MMP16: variants seen among roughly 807,000 people sequenced by gnomAD.
MMP16 encodes matrix metalloproteinase-16.
Under a neutral mutation model 67.8 loss-of-function variants are expected in MMP16, and 12 were observed. The ratio of observed to expected loss-of-function variants is 0.18; its 90% CI spans 0.11 to 0.29. The LOEUF is 0.29. MMP16 is among the 10% of genes least tolerant of loss of function. The pLI is 1.00. For synonymous variants in MMP16, 249 were observed against 255.9 expected (o/e 0.97, Z 0.26); for missense variants, 475 against 765.7 (o/e 0.62, Z 4.48).
intron 8 of MMP16, among the ~76,000 whole-genome samples, chr8:88,055,884 T>C (rs1448406893): frequency 1.3e-5 from 2 of 152,078 alleles, no homozygotes; most frequent in African/African-American, 2.4e-5. Context: ...GTTACAATTA[T>C]GGGGAAATGA....
chr8:88,170,346 C>T (rs1808779313), intron 3 of MMP16, among the ~76,000 whole-genome samples: 1 of 152,202 alleles, frequency 6.6e-6, no homozygotes, highest in African/African-American at 2.4e-5. Flanking sequence ...AACATCTACA[C>T]TGAGATAGCA....
intron 1 of MMP16, among the ~76,000 whole-genome samples, chr8:88,206,987 T>C (rs551189767): frequency 6.6e-6 from 1 of 152,304 alleles, no homozygotes; most frequent in East Asian, 1.9e-4. Context: ...TTTCATTAAA[T>C]ACAGTGGAAA....
intron 2 of MMP16, among the ~76,000 whole-genome samples, chr8:88,195,717 A>T (rs1048826294): frequency 3.3e-5 from 5 of 152,228 alleles, no homozygotes; most frequent in African/African-American, 1.2e-4. Flanking sequence ...CCCAATATTT[A>T]GAACAAGTTT....
chr8:88,288,958 G>A (rs1334107696), intron 1 of MMP16, among the ~76,000 whole-genome samples: 1 of 152,284 alleles, frequency 6.6e-6, no homozygotes, highest in East Asian at 1.9e-4. Context: ...AGCCACACAA[G>A]AAACAAGATA....
rs768707886 is a variant in MMP16 at position 88,041,671 on chromosome 8, T to C, written c.1614A>G (p.Arg538=). The C allele has an allele frequency of 6.2e-7, 1 of 1,614,126 alleles. No homozygotes were observed. Among genetic ancestry groups the C allele is most frequent in the South Asian group, 1.1e-5 (1 of 91,086 alleles). The part of the protein sequence containing the change: ...DFMGCDGPTD[R]VKEGHSPPDD... ...CTGGTGGGCTGTGTCCTTCTTTAAC[T>C]CTGTCTGTTGGTCCATCACAGCCCA... Residue 538 remains arginine, a synonymous_variant, in exon 10 of 10, where the codon AGA becomes AGG. Coordinates refer to ENST00000286614, the MANE Select transcript of MMP16 (RefSeq NM_005941.5). The surrounding 1 kb of genome is among the most constrained non-coding windows in gnomAD (Gnocchi z 6.0).
chr8:88,165,419 T>C (rs1301788511), intron 4 of MMP16, among the ~76,000 whole-genome samples: 1 of 151,994 alleles, frequency 6.6e-6, no homozygotes, highest in African/African-American at 2.4e-5. Flanking sequence ...AGATCCATTA[T>C]TGCAATAAAA....
At chr8:88,116,381 T>C in intron 6 of MMP16, 126 bp downstream of exon 6, 1 of 805,646 alleles carries the variant, frequency 1.2e-6, no homozygotes, top group South Asian at 1.9e-5. Flanking sequence ...TTTAAAATGC[T>C]TTTTTTGAAC....
At chr8:88,224,902 A>T (rs1586213750) in intron 1 of MMP16, among the ~76,000 whole-genome samples, 1 of 151,986 alleles carries the variant, frequency 6.6e-6, no homozygotes, top group African/African-American at 2.4e-5. Context: ...TAAATTATGT[A>T]TTTTTTCCGG....
At chr8:88,321,469 T>C (rs185090567) in intron 1 of MMP16, among the ~76,000 whole-genome samples, 14 of 152,312 alleles carry the variant, frequency 9.2e-5, no homozygotes, top group Admixed American at 9.2e-4. Flanking sequence ...TTTGCTACCT[T>C]GGCCAAAACT....
chr8:88,076,611 CA>C (rs1808656024), intron 6 of MMP16, among the ~76,000 whole-genome samples: 1 of 151,984 alleles, frequency 6.6e-6, no homozygotes. Flanking sequence ...GATAAATATA[CA>C]GGGGCATGAA....
intron 6 of MMP16, among the ~76,000 whole-genome samples, chr8:88,113,059 G>A (rs1441009047): frequency 1.3e-5 from 2 of 151,598 alleles, no homozygotes; most frequent in Non-Finnish European, 3.0e-5. Flanking sequence ...AAATAATATT[G>A]GTCACAGTTT....
intron 1 of MMP16, among the ~76,000 whole-genome samples, chr8:88,280,446 A>G (rs1810714619): frequency 6.6e-6 from 1 of 152,234 alleles, no homozygotes; most frequent in Non-Finnish European, 1.5e-5. Context: ...AAGATTCAAA[A>G]TACCAATATA....
chr8:88,262,980 G>C (rs1003644194), intron 1 of MMP16, among the ~76,000 whole-genome samples: 2 of 150,960 alleles, frequency 1.3e-5, no homozygotes, highest in African/African-American at 4.9e-5. Flanking sequence ...AGCCGAGATC[G>C]CGCCACTGCA....
chr8:88,275,225 A>T (rs922637956), intron 1 of MMP16, among the ~76,000 whole-genome samples: 1 of 152,014 alleles, frequency 6.6e-6, no homozygotes, highest in Non-Finnish European at 1.5e-5. Context: ...GATTAAAAAG[A>T]CTAATAGCTA....
chr8:88,224,384 A>C (rs1415818266), intron 1 of MMP16, among the ~76,000 whole-genome samples: 1 of 152,046 alleles, frequency 6.6e-6, no homozygotes, highest in Non-Finnish European at 1.5e-5. Flanking sequence ...ATAAACAGAT[A>C]GTTTTGGTAA....
intron 4 of MMP16, among the ~76,000 whole-genome samples, chr8:88,134,439 A>G (rs1029206191): frequency 6.6e-6 from 1 of 151,722 alleles, no homozygotes; most frequent in African/African-American, 2.4e-5. Flanking sequence ...GATCTTCCCA[A>G]GAAACTATTT....
At chr8:88,235,278 G>C (rs901618769) in intron 1 of MMP16, among the ~76,000 whole-genome samples, 1 of 151,616 alleles carries the variant, frequency 6.6e-6, no homozygotes, top group Non-Finnish European at 1.5e-5. Context: ...TGTAATCTCA[G>C]CTACTTGGGA....
At position 88,327,302 on chromosome 8, in the gene MMP16, C is replaced by T; in HGVS notation, c.-96G>A. The stretch of plus-strand genomic sequence containing the variant: ...TCGTTTCCTTTCAAAAAAAAGTCCT[C>T]CGGGTGGGTAAGGAGCCTGCAGGTT... On this transcript the variant is annotated 5_prime_UTR_variant, in exon 1 of 10. Transcript: ENST00000286614. 1 of 1,551,354 alleles carries T rather than the reference C, an allele frequency of 6.4e-7. No homozygotes were observed. The highest frequency in any genetic ancestry group is 1.1e-5 in the South Asian group (1 of 87,484).
chr8:88,097,367 C>T (rs906310951), intron 6 of MMP16, among the ~76,000 whole-genome samples: 1 of 151,636 alleles, frequency 6.6e-6, no homozygotes, highest in Non-Finnish European at 1.5e-5. Context: ...TGCCTCTAAT[C>T]CCCAAATACT....
Sources: allele counts gnomAD v4.1 joint callset (sites outside exome capture counted in the v4.1 genomes callset), GRCh38; gene constraint gnomAD v4.1.1; non-coding constraint Gnocchi (gnomAD v3.1); transcripts MANE v1.5; gene names NCBI Gene and HGNC (gene_info 2026-07-23, HGNC 2026-07-21).